SLC17A1: variants seen among roughly 807,000 people sequenced by gnomAD.
SLC17A1 encodes the protein solute carrier family 17 member 1.
SLC17A1 carries 51 observed loss-of-function variants against 53.5 expected under a neutral mutation model. The observed-to-expected ratio is 0.95, with a 90% confidence interval of 0.76 to 1.20. SLC17A1 has a LOEUF of 1.20. SLC17A1 is among the 50% of genes most tolerant of loss of function. The pLI, the probability that SLC17A1 is intolerant of heterozygous loss-of-function variation, is 0.00. For missense variants in SLC17A1, 538 were observed against 568.2 expected (o/e 0.95, Z 0.54); for synonymous variants, 179 against 198.8 (o/e 0.90, Z 0.84).
At chr6:25,765,165 A>G in the SLC17A1 span, among the ~76,000 whole-genome samples, 1 of 152,244 alleles carries the variant, frequency 6.6e-6, no homozygotes, top group Admixed American at 6.5e-5. Context: ...ATGTTTGTGC[A>G]AAGGAAAGAA....
the SLC17A1 span, among the ~76,000 whole-genome samples, chr6:25,736,497 T>A: frequency 6.6e-6 from 1 of 152,100 alleles, no homozygotes; most frequent in Non-Finnish European, 1.5e-5. Flanking sequence ...AAGATGGAAT[T>A]TTTCTCTTTC....
At chr6:25,770,078 T>A in the SLC17A1 span, 20 of 1,613,908 alleles carry the variant, frequency 1.2e-5, no homozygotes, top group Admixed American at 1.8e-4. Context: ...CCCCTGCATA[T>A]GACTGGAGTC....
chr6:25,824,535 A>G (rs1389337409), intron 3 of SLC17A1, among the ~76,000 whole-genome samples: 2 of 151,922 alleles, frequency 1.3e-5, no homozygotes, highest in African/African-American at 2.4e-5. Context: ...AAAATGAATA[A>G]CAGTAGTCAC....
the SLC17A1 span, chr6:25,762,201 C>T: frequency 5.8e-5 from 37 of 640,590 alleles, no homozygotes; most frequent in Middle Eastern, 2.5e-4. Flanking sequence ...TAATTCTATA[C>T]GGTTATACAT....
the SLC17A1 span, among the ~76,000 whole-genome samples, chr6:25,766,398 T>C: frequency 6.6e-6 from 1 of 152,186 alleles, no homozygotes; most frequent in Non-Finnish European, 1.5e-5. Flanking sequence ...ATAGTTCATA[T>C]AGCACTCTAC....
chr6:25,724,270 A>T, the SLC17A1 span, among the ~76,000 whole-genome samples: 4 of 152,190 alleles, frequency 2.6e-5, no homozygotes, highest in Admixed American at 2.6e-4. Flanking sequence ...CTAACAATAC[A>T]AAAGTTAGCT....
At chr6:25,822,183 C>T (rs1764586186) in intron 3 of SLC17A1, among the ~76,000 whole-genome samples, 1 of 152,112 alleles carries the variant, frequency 6.6e-6, no homozygotes, top group Non-Finnish European at 1.5e-5. Flanking sequence ...GTGTTTCTTA[C>T]TGTGGTAAAA....
At chr6:25,754,765 C>T in the SLC17A1 span, 12 of 152,192 alleles carry the variant, frequency 7.9e-5, no homozygotes, top group African/African-American at 2.9e-4. Context: ...GAGGATCCTG[C>T]ACTCTTCCTC....
the SLC17A1 span, among the ~76,000 whole-genome samples, chr6:25,772,094 T>C: frequency 6.6e-6 from 1 of 152,168 alleles, no homozygotes; most frequent in Admixed American, 6.5e-5. Context: ...GGTGAATATA[T>C]TCACCAAAAA....
intron 12 of SLC17A1, among the ~76,000 whole-genome samples, chr6:25,793,604 G>A (rs1356922783): frequency 6.6e-6 from 1 of 152,138 alleles, no homozygotes; most frequent in Non-Finnish European, 1.5e-5. Context: ...TTTAGGCACT[G>A]AAGTCCTGAT....
Position 25,812,859 on chromosome 6 carries a change from T to C in SLC17A1, c.869A>G (p.Asn290Ser). Residue 290 changes from asparagine (N) to serine (S), a missense_variant, in exon 8 of 13, where the codon AAC becomes AGC. Coordinates refer to ENST00000244527, the MANE Select transcript of SLC17A1 (RefSeq NM_005074.5). ...TTTTATATTAACATGAAGCATGGAG[T>C]TGATAAACATTGGAGTGTATAGTGT... ...IMTLYTPMFI[N>S]SMLHVNIKEN... is the part of the protein sequence containing the mutation. The C allele has an allele frequency of 1.2e-6, 2 of 1,610,580 alleles. No individual in the cohort carries two copies. Among genetic ancestry groups the C allele is most frequent in the Non-Finnish European group, 1.7e-6 (2 of 1,178,098 alleles).
chr6:25,777,658 C>CAA, the SLC17A1 span: 1 of 330,062 alleles, frequency 3.0e-6, no homozygotes, highest in South Asian at 8.9e-5. Context: ...CTTGCATAAA[C>CAA]AATGTTGACA....
the SLC17A1 span, among the ~76,000 whole-genome samples, chr6:25,744,998 AT>A: frequency 6.1e-5 from 5 of 81,502 alleles, no homozygotes; most frequent in African/African-American, 9.8e-5. Flanking sequence ...ATTTTCCTTC[AT>A]TTTTTTTTTG....
At chr6:25,729,286 A>G in the SLC17A1 span, among the ~76,000 whole-genome samples, 76 of 152,368 alleles carry the variant, frequency 5.0e-4, 1 homozygote, top group African/African-American at 1.5e-3. Context: ...ACAGGACAAC[A>G]TAAAGGCAGA....
chr6:25,737,159 C>T, the SLC17A1 span, among the ~76,000 whole-genome samples: 1 of 152,150 alleles, frequency 6.6e-6, no homozygotes, highest in Non-Finnish European at 1.5e-5. Flanking sequence ...CATTACCAGC[C>T]ATTATTCTAT....
chr6:25,771,163 G>A, the SLC17A1 span: 2 of 668,154 alleles, frequency 3.0e-6, no homozygotes, highest in African/African-American at 1.8e-5. Flanking sequence ...TTAAGTTTCA[G>A]CAGCCCGAGT....
chr6:25,726,338 G>C, the SLC17A1 span: 1 of 1,614,150 alleles, frequency 6.2e-7, no homozygotes, highest in Non-Finnish European at 8.5e-7. Flanking sequence ...GCCAGCTCAA[G>C]GATTTCTGCT....
rs34892514 is a variant in SLC17A1 at position 25,819,141 on chromosome 6, T to C, written c.543A>G (p.Gly181=). 2,134 of 1,607,676 alleles carry C rather than the reference T, an allele frequency of 1.3e-3. 52 individuals carry two copies. In the East Asian group the frequency reaches 0.033, roughly 25 times the overall value. Residue 181 remains glycine (G), a synonymous_variant, in exon 6 of 13, where the codon GGA becomes GGG. Transcript: ENST00000244527. ...TSMSTSGFLL[G]PFIVLLVTGV... ...CAGTCACAAGTAGGACAATAAAGGG[T>C]CCCAGCAAAAACCCTAATCAGTAGG... is the stretch of plus-strand genomic sequence containing the variant.
intron 6 of SLC17A1, among the ~76,000 whole-genome samples, chr6:25,814,437 G>T (rs1764265235): frequency 6.6e-6 from 1 of 152,162 alleles, no homozygotes; most frequent in Admixed American, 6.5e-5. Flanking sequence ...GACTCAGAAA[G>T]ATCAAATTAT....
Sources: allele counts gnomAD v4.1 joint callset (sites outside exome capture counted in the v4.1 genomes callset), GRCh38; gene constraint gnomAD v4.1.1; transcripts MANE v1.5; gene names NCBI Gene and HGNC (gene_info 2026-07-23, HGNC 2026-07-21).